Variants in PCDHGB1 observed in about 807,000 individuals in gnomAD.
PCDHGB1 encodes the protein protocadherin gamma-B1.
PCDHGB1 carries 34 observed loss-of-function variants against 56.6 expected under a neutral mutation model. The observed-to-expected ratio is 0.60, with a 90% CI of 0.46 to 0.80. The LOEUF (loss-of-function observed/expected upper bound fraction) is 0.80. Among genes scored for constraint, PCDHGB1 ranks in the 30% least tolerant of loss-of-function variants. PCDHGB1 has a pLI of 0.00. For missense variants in PCDHGB1, 1,278 were observed against 1,204.6 expected (o/e 1.06, Z -0.90); for synonymous variants, 561 against 505.9 (o/e 1.11, Z -1.46).
chr5:141,370,464 T>C (rs1766931580), intron 1 of PCDHGB1: 1 of 1,613,018 alleles, frequency 6.2e-7, no homozygotes, highest in Middle Eastern at 1.7e-4. Context: ...CCTGCTCTCT[T>C]TGTTAGACCA....
chr5:141,377,014 G>T (rs1457623527), intron 1 of PCDHGB1: 1 of 155,140 alleles, frequency 6.4e-6, no homozygotes, highest in African/African-American at 2.4e-5. Flanking sequence ...TGGTTGACAG[G>T]AAAATTCAAG....
chr5:141,355,745 T>C, intron 1 of PCDHGB1: 10 of 1,614,006 alleles, frequency 6.2e-6, no homozygotes, highest in Non-Finnish European at 8.5e-6. Context: ...TCCCTGGACG[T>C]GCAAAGTGGG....
intron 1 of PCDHGB1, among the ~76,000 whole-genome samples, chr5:141,387,466 C>G (rs1589036513): frequency 6.6e-6 from 1 of 152,194 alleles, no homozygotes; most frequent in Non-Finnish European, 1.5e-5. Context: ...TAAAAATCCT[C>G]AAAGTTGGGA....
chr5:141,387,995 T>TCC (rs2091190111), intron 1 of PCDHGB1: 1 of 1,490,632 alleles, frequency 6.7e-7, no homozygotes, highest in Admixed American at 2.1e-5. Flanking sequence ...GCTACAGGAT[T>TCC]CCCGAGGAAA....
chr5:141,510,978 G>A lies in PCDHGB1; in HGVS notation c.2589G>A (p.Gly863=), dbSNP rs2099883535. 1.2e-6 allele frequency: 2 copies of A among 1,614,160 alleles called. No homozygotes were observed. The change falls in exon 4 of 4, where the codon GGG becomes GGA. Residue 863 remains glycine, a synonymous_variant. Transcript: ENST00000523390. The part of the protein sequence containing the change: ...EAADGSSTLG[G]GAGTMGLSAR... Reference sequence around the variant, plus strand: ...CTGATGGGAGCTCCACCCTGGGAGGGGGTGCCGGCACCATGGGATTGAGCG... The same window carrying A: ...CTGATGGGAGCTCCACCCTGGGAGGAGGTGCCGGCACCATGGGATTGAGCG...
chr5:141,383,105 G>C (rs775672220), intron 1 of PCDHGB1: 7 of 1,614,030 alleles, frequency 4.3e-6, no homozygotes, highest in Non-Finnish European at 5.9e-6. Flanking sequence ...ATCATCTCCA[G>C]AGGTAGGACG....
In PCDHGB1 at chr5:141,355,573, G is replaced by T. The variant is rs781268450; in HGVS notation, c.2409+2904G>T. On this transcript the variant is annotated intron_variant, in intron 1 of 3. Coordinates refer to ENST00000523390, the MANE Select transcript of PCDHGB1 (RefSeq NM_018922.3). ...TTTGCGGGTAGAGGTGGAAATAATC[G>T]ATGTTAATGATAACCCACCCAGTTT... 3.1e-6 allele frequency: 5 copies of T among 1,613,858 alleles called. No individual in the cohort carries two copies. In the African/African-American group the frequency reaches 4.0e-5, roughly 13 times the overall value.
chr5:141,404,073 G>A lies in PCDHGB1; in HGVS notation c.2409+51404G>A, dbSNP rs746951310. On this transcript the variant is annotated intron_variant, in intron 1 of 3. Transcript: ENST00000523390. The stretch of plus-strand genomic sequence containing the variant: ...ATTCTTCTTTTCAATGCTCATGACC[G>A]AGACTCCGGGAAGAATGGTCAAGTT... The A allele has an allele frequency of 1.5e-5, 24 of 1,613,602 alleles. No individual in the cohort carries two copies. Among genetic ancestry groups the A allele is most frequent in the Non-Finnish European group, 1.9e-5 (22 of 1,179,684 alleles).
At chr5:141,415,740 G>GTTTTTGTTTTTTTTTT (rs2095911468) in intron 1 of PCDHGB1, 1 of 515,998 alleles carries the variant, frequency 1.9e-6, no homozygotes, top group Non-Finnish European at 2.6e-6. Context: ...GTTTATTAAG[G>GTTTTTGTTTTTTTTTT]TTTTTTTTTT....
intron 1 of PCDHGB1, among the ~76,000 whole-genome samples, chr5:141,466,975 A>C (rs769024064): frequency 2.6e-5 from 4 of 151,842 alleles, no homozygotes; most frequent in Non-Finnish European, 5.9e-5. Context: ...CTCACAGCTC[A>C]TCATTTACCT....
At chr5:141,391,248 A>G (rs1561633877) in intron 1 of PCDHGB1, 1 of 152,120 alleles carries the variant, frequency 6.6e-6, no homozygotes, top group Non-Finnish European at 1.5e-5. Context: ...TATCTAAGCA[A>G]CTGCTTCAGT....
chr5:141,354,765 A>G (rs1166767748), intron 1 of PCDHGB1, among the ~76,000 whole-genome samples: 1 of 152,230 alleles, frequency 6.6e-6, no homozygotes, highest in East Asian at 1.9e-4. Context: ...ACATCTTAGG[A>G]AAAAAATCGT....
chr5:141,370,383 G>A (rs1393783313), intron 1 of PCDHGB1: 1 of 1,533,714 alleles, frequency 6.5e-7, no homozygotes, highest in Non-Finnish European at 8.7e-7. Flanking sequence ...AGGCAAAGGC[G>A]CAGAGAGCGG....
chr5:141,421,194 C>G, intron 1 of PCDHGB1: 1 of 1,498,922 alleles, frequency 6.7e-7, no homozygotes, highest in South Asian at 1.3e-5. Context: ...CCAACCAGCT[C>G]GAGAAACCGC....
intron 3 of PCDHGB1, among the ~76,000 whole-genome samples, chr5:141,509,040 C>T (rs1217864661): frequency 6.6e-6 from 1 of 152,132 alleles, no homozygotes; most frequent in African/African-American, 2.4e-5. Context: ...CAACCCCTCT[C>T]CCCCGCCCCC....
At chr5:141,473,343 T>G (rs1309426537) in intron 1 of PCDHGB1, among the ~76,000 whole-genome samples, 1 of 152,218 alleles carries the variant, frequency 6.6e-6, no homozygotes, top group African/African-American at 2.4e-5. Context: ...TGCTAGACAG[T>G]GAGGATGCAA....
At chr5:141,362,492 C>T (rs369530205) in intron 1 of PCDHGB1, 4 of 1,613,902 alleles carry the variant, frequency 2.5e-6, no homozygotes, top group East Asian at 2.2e-5. Flanking sequence ...GACAATGCCT[C>T]TTGGGAACAA....
chr5:141,501,475 G>A (rs1305778190), intron 2 of PCDHGB1, among the ~76,000 whole-genome samples: 5 of 152,014 alleles, frequency 3.3e-5, no homozygotes, highest in Admixed American at 3.3e-4. Flanking sequence ...AATCCTGGAA[G>A]AGTCCCTCAT....
rs188373658 is a variant in PCDHGB1 at position 141,492,228 on chromosome 5, C to T, written c.2410-2579C>T. ...TGCGCGCGGGGCTCATGCGTGTCCT[C>T]CCTGCTGGCCACCCCCACGGCCCAC... On this transcript the variant is annotated intron_variant, in intron 1 of 3. Coordinates refer to ENST00000523390, the MANE Select transcript of PCDHGB1 (RefSeq NM_018922.3). Among the ~76,000 whole-genome samples the T allele has an allele frequency of 5.3e-5, 8 of 152,292 alleles. No individual in the cohort carries two copies. In the East Asian group the frequency reaches 1.2e-3, roughly 22 times the overall value.
Sources: gnomAD v4.1 joint callset for allele counts (sites outside exome capture counted in the v4.1 genomes callset) on GRCh38, gnomAD v4.1.1 for gene constraint, MANE v1.5 for transcripts, NCBI Gene and HGNC (gene_info 2026-07-23, HGNC 2026-07-21) for gene names.